KBTBD3: variants seen among roughly 807,000 people sequenced by gnomAD.
KBTBD3 encodes the protein kelch repeat and BTB domain containing 3.
In KBTBD3, 38 loss-of-function variants were observed where a neutral mutation model predicts 49.6. That is an observed-to-expected ratio of 0.77 (90% CI 0.59 to 1.00). KBTBD3 has a LOEUF of 1.00. Among genes scored for constraint, KBTBD3 ranks in the 50% least tolerant of loss-of-function variants. The pLI is 0.00. For missense variants in KBTBD3, 661 were observed against 712.0 expected, an observed-to-expected ratio of 0.93 and a Z score of 0.81; for synonymous variants, 214 against 250.4, an observed-to-expected ratio of 0.85 and a Z score of 1.37.
chr11:106,073,659 G>T (rs1860967289), intron 2 of KBTBD3, among the ~76,000 whole-genome samples: 1 of 152,168 alleles, frequency 6.6e-6, no homozygotes, highest in African/African-American at 2.4e-5. Context: ...GAAGGTAAGG[G>T]GTTGGTGGAA....
intron 3 of KBTBD3, 38 bp from the exon 4 acceptor site, chr11:106,054,493 T>A (rs929828401): frequency 1.4e-6 from 2 of 1,417,674 alleles, no homozygotes; most frequent in Admixed American, 5.2e-5. Context: ...AGCAAGAATA[T>A]TTTATTCCAT....
chr11:106,058,046 G>A (rs1860589787), intron 3 of KBTBD3: 1 of 398,430 alleles, frequency 2.5e-6, no homozygotes. Context: ...TGCTGACCTG[G>A]GAAGACCTAT....
In KBTBD3 at chr11:106,059,044, A is replaced by G. The variant is rs1265943015; in HGVS notation, c.54T>C (p.Asn18=). The change falls in exon 3 of 4, where the codon AAT becomes AAC. Residue 18 remains asparagine (N), a synonymous_variant. Transcript: ENST00000531837. ...SYAFNQRSTC[N]GIPSEKKNNF... ...TGTTTTTCTTCTCAGATGGAATTCC[A>G]TTACATGTGCTTCGTTGATTGAAAG... is the stretch of plus-strand genomic sequence containing the variant. 6.4e-6 allele frequency: 10 copies of G among 1,555,802 alleles called. No homozygotes were observed. The highest frequency in any genetic ancestry group is 7.7e-6 in the Non-Finnish European group (9 of 1,162,530).
In KBTBD3 at chr11:106,053,654, G is replaced by C. The variant is rs199538641; in HGVS notation, c.1035C>G (p.Phe345Leu). The C allele has an allele frequency of 2.7e-4, 442 of 1,613,672 alleles. No individual in the cohort carries two copies. The highest frequency in any genetic ancestry group is 3.3e-4 in the Non-Finnish European group (384 of 1,179,902). The stretch of plus-strand genomic sequence containing the variant: ...ATTTCCCTTTGCAACCACCTGTCAA[G>C]AATATTTTCTCTCCGTAACTCGAAA... ...SSLSSYGEKI[F>L]LTGGCKGKCC... Residue 345 changes from phenylalanine (F) to leucine (L), a missense_variant, in exon 4 of 4, where the codon TTC (phenylalanine) becomes TTG (leucine). Phe to Leu is a conservative substitution (Grantham distance 22). Transcript: ENST00000531837.
intron 1 of KBTBD3, 56 bp downstream of exon 1, chr11:106,077,256 C>T (rs1003259497): frequency 5.8e-6 from 1 of 171,380 alleles, no homozygotes; most frequent in Non-Finnish European, 1.3e-5. Context: ...CCAACTCAGA[C>T]CCTGAGAATA....
intron 2 of KBTBD3, among the ~76,000 whole-genome samples, chr11:106,063,413 C>T (rs1318208655): frequency 6.6e-6 from 1 of 152,196 alleles, no homozygotes; most frequent in Non-Finnish European, 1.5e-5. Flanking sequence ...ATGAATTGTT[C>T]TTTGCTCAAA....
At chr11:106,054,981 C>T (rs548871239) in intron 3 of KBTBD3, among the ~76,000 whole-genome samples, 4 of 152,062 alleles carry the variant, frequency 2.6e-5, no homozygotes, top group African/African-American at 7.2e-5. Context: ...AAATAAGATA[C>T]ATGTCTAAAA....
chr11:106,057,653 G>C (rs1240444712), intron 3 of KBTBD3: 1 of 162,154 alleles, frequency 6.2e-6, no homozygotes, highest in Non-Finnish European at 1.3e-5. Context: ...TTCTCTTTAG[G>C]GTGATCTACA....
chr11:106,073,339 T>C (rs1310535080), intron 2 of KBTBD3, among the ~76,000 whole-genome samples: 7 of 148,212 alleles, frequency 4.7e-5, no homozygotes, highest in African/African-American at 1.7e-4. Flanking sequence ...TGGCCTTAAG[T>C]GATCCTCATG....
chr11:106,052,641 C>T lies in KBTBD3; in HGVS notation c.*209G>A. On this transcript the variant is annotated 3_prime_UTR_variant, in exon 4 of 4. Coordinates refer to ENST00000531837, the MANE Select transcript of KBTBD3 (RefSeq NM_198439.3). ...TGAAAATACTAAGTATTCTGGATTC[C>T]CCAAGGTTAAATTATATTCAGTATA... is the stretch of plus-strand genomic sequence containing the variant. 6.4e-6 allele frequency: 3 copies of T among 467,488 alleles called. No individual in the cohort carries two copies. Among genetic ancestry groups the T allele is most frequent in the South Asian group, 3.4e-5 (1 of 29,370 alleles). The allele number at this position is 467,488 out of a possible 1,614,324, so 29.0% of individuals were successfully genotyped here.
intron 2 of KBTBD3, among the ~76,000 whole-genome samples, chr11:106,069,191 C>T (rs1438353750): frequency 1.3e-5 from 2 of 152,222 alleles, no homozygotes; most frequent in Admixed American, 6.5e-5. Flanking sequence ...ATAGTTCACA[C>T]TTATTTAGAA....
rs112968095 is a variant in KBTBD3, at chr11:106,061,296, C to T, written c.-12-2187G>A. ...TCCATTCCAGGACCAAGACAATCTA[C>T]TGTTGTGCTATGCAATACAGTAACC... On this transcript the variant is annotated intron_variant, in intron 2 of 3. Transcript: ENST00000531837. Among the ~76,000 whole-genome samples, 1,151 of 152,312 alleles carry T rather than the reference C, an allele frequency of 7.6e-3. 19 individuals carry two copies. The highest frequency in any genetic ancestry group is 0.026 in the African/African-American group (1,084 of 41,568).
At chr11:106,054,518 T>G (rs1220323269) in intron 3 of KBTBD3, 63 bp from the exon 4 acceptor site, 2 of 1,314,750 alleles carry the variant, frequency 1.5e-6, no homozygotes, top group Non-Finnish European at 2.0e-6. Context: ...ATTTTCAATA[T>G]TACCTTAAAG....
At position 106,052,692 on chromosome 11, in the gene KBTBD3, T is replaced by C. The variant is rs1860443244; in HGVS notation, c.*158A>G. ...ATTTTTGGTAAAATATATTTTGTATTTTAAGTTTTTGGAAACTGTTTATTC... is the reference window on the plus strand; with the variant it reads ...ATTTTTGGTAAAATATATTTTGTATCTTAAGTTTTTGGAAACTGTTTATTC... On this transcript the variant is annotated 3_prime_UTR_variant, in exon 4 of 4. Coordinates refer to ENST00000531837, the MANE Select transcript of KBTBD3 (RefSeq NM_198439.3). 1.8e-6 allele frequency: 1 copy of C among 556,596 alleles called. No individual in the cohort carries two copies. The highest frequency in any genetic ancestry group is 1.9e-5 in the African/African-American group (1 of 52,672). The allele number at this position is 556,596 out of a possible 1,614,324, so 34.5% of individuals were successfully genotyped here.
chr11:106,056,683 T>C (rs1415874553), intron 3 of KBTBD3, among the ~76,000 whole-genome samples: 1 of 152,218 alleles, frequency 6.6e-6, no homozygotes, highest in African/African-American at 2.4e-5. Flanking sequence ...ATAATCCTAC[T>C]TTTTTACAAA....
intron 2 of KBTBD3, among the ~76,000 whole-genome samples, chr11:106,061,750 T>G (rs1442959057): frequency 2.0e-5 from 3 of 151,974 alleles, no homozygotes; most frequent in Non-Finnish European, 4.4e-5. Context: ...TCACATGAGC[T>G]AATTCCTTAT....
rs2134987530 is a variant in KBTBD3, at chr11:106,051,358, AT to A, written c.*1491del. ...GTCATCTAATCAGGAACAGTCCTTG[AT>A]TTTTAAACTTCATGAAAATGTACTC... On this transcript the variant is annotated 3_prime_UTR_variant, in exon 4 of 4. Coordinates refer to ENST00000531837, the MANE Select transcript of KBTBD3 (RefSeq NM_198439.3). The A allele has an allele frequency of 6.6e-6, 1 of 152,066 alleles. No homozygotes were observed. Among genetic ancestry groups the A allele is most frequent in the South Asian group, 2.1e-4 (1 of 4,828 alleles). The allele number at this position is 152,066 out of a possible 1,614,324, so 9.4% of individuals were successfully genotyped here.
At position 106,053,554 on chromosome 11, in the gene KBTBD3, C is replaced by A; in HGVS notation, c.1135G>T (p.Val379Leu). Residue 379 changes from valine (V) to leucine (L), a missense_variant, in exon 4 of 4, where the codon GTG (valine) becomes TTG (leucine). By Grantham distance (32) the Val-to-Leu change is conservative. Coordinates refer to ENST00000531837, the MANE Select transcript of KBTBD3 (RefSeq NM_198439.3). ...ATDQTWCYCPVKNDFFLVSTM... is the reference protein window; with the variant it reads ...ATDQTWCYCPLKNDFFLVSTM... ...GATACCAAGAAGAAATCATTTTTCA[C>A]TGGACAGTAGCACCAGGTTTGATCA... The A allele has an allele frequency of 6.2e-7, 1 of 1,613,754 alleles. No individual in the cohort carries two copies. The highest frequency in any genetic ancestry group is 8.5e-7 in the Non-Finnish European group (1 of 1,179,856).
chr11:106,056,748 G>A (rs1279547520), intron 3 of KBTBD3, among the ~76,000 whole-genome samples: 2 of 152,176 alleles, frequency 1.3e-5, no homozygotes, highest in Non-Finnish European at 2.9e-5. Flanking sequence ...AACATGTCTA[G>A]TAAATGGTAG....
Sources: allele counts gnomAD v4.1 joint callset (sites outside exome capture counted in the v4.1 genomes callset), GRCh38; gene constraint gnomAD v4.1.1; transcripts MANE v1.5; gene names NCBI Gene and HGNC (gene_info 2026-07-23, HGNC 2026-07-21).